Variants in PGAP1 observed in about 807,000 individuals in gnomAD.
PGAP1 encodes the protein post-GPI attachment to proteins inositol deacylase 1.
A neutral mutation model predicts 127.0 loss-of-function variants in PGAP1; 76 were observed. The ratio of observed to expected loss-of-function variants is 0.60; its 90% CI spans 0.50 to 0.72. PGAP1 has a LOEUF of 0.72. Among genes scored for constraint, PGAP1 ranks in the 30% least tolerant of loss-of-function variants. The pLI, the probability that PGAP1 is intolerant of heterozygous loss-of-function variation, is 0.00. For missense variants in PGAP1, 982 were observed against 1,071.3 expected, an observed-to-expected ratio of 0.92 and a Z score of 1.16; for synonymous variants, 362 against 366.5, an observed-to-expected ratio of 0.99 and a Z score of 0.14.
intron 19 of PGAP1, among the ~76,000 whole-genome samples, chr2:196,865,389 T>C (rs1701208211): frequency 6.6e-6 from 1 of 152,172 alleles, no homozygotes; most frequent in South Asian, 2.1e-4. Context: ...ACACCTTATA[T>C]GCATTATCTC....
At chr2:196,905,820 G>C (rs28493782) in intron 4 of PGAP1, among the ~76,000 whole-genome samples, 1,740 of 132,340 alleles carry the variant, frequency 0.013, 37 homozygotes, top group East Asian at 0.12. Flanking sequence ...TTCCCTTTCC[G>C]AGTCAAAGAA....
chr2:196,925,278 A>G (rs1402683411), intron 1 of PGAP1, among the ~76,000 whole-genome samples: 1 of 152,214 alleles, frequency 6.6e-6, no homozygotes, highest in African/African-American at 2.4e-5. Flanking sequence ...TAAGATCAAA[A>G]TAATAGCAGC....
chr2:196,855,145 A>G (rs895054265), intron 20 of PGAP1, among the ~76,000 whole-genome samples: 1 of 151,604 alleles, frequency 6.6e-6, no homozygotes, highest in Non-Finnish European at 1.5e-5. Flanking sequence ...CAACATGATG[A>G]AACCCCTGTC....
At chr2:196,912,833 T>C (rs1702875936) in intron 4 of PGAP1, 49 bp downstream of exon 4, 2 of 1,476,962 alleles carry the variant, frequency 1.4e-6, no homozygotes, top group Non-Finnish European at 1.8e-6. Context: ...TTGATTTATT[T>C]AATCTTAAAT....
intron 20 of PGAP1, among the ~76,000 whole-genome samples, chr2:196,857,871 ATTGTAATCCTT>A (rs150049564): frequency 0.01 from 1,534 of 152,246 alleles, 21 homozygotes; most frequent in African/African-American, 0.035. Flanking sequence ...TTTCAAAACA[ATTGTAATCCTT>A]TTTATTTTTC....
chr2:196,868,456 T>C (rs762284281), intron 19 of PGAP1, among the ~76,000 whole-genome samples: 38 of 152,344 alleles, frequency 2.5e-4, no homozygotes, highest in Non-Finnish European at 5.0e-4. Flanking sequence ...CCCTGTCTCA[T>C]AGTCAAACTG....
At chr2:196,844,252 T>C (rs1358469051) in intron 24 of PGAP1, among the ~76,000 whole-genome samples, 177 bp from the exon 25 acceptor site, 1 of 152,172 alleles carries the variant, frequency 6.6e-6, no homozygotes, top group African/African-American at 2.4e-5. Context: ...ACCTTTATTC[T>C]TTTGACTTGC....
At chr2:196,874,507 G>T (rs902995876) in intron 14 of PGAP1, among the ~76,000 whole-genome samples, 1 of 152,044 alleles carries the variant, frequency 6.6e-6, no homozygotes, top group Non-Finnish European at 1.5e-5. Context: ...TATTCTCAAA[G>T]TATGTCACCC....
At position 196,847,193 on chromosome 2, in the gene PGAP1, A is replaced by G; in HGVS notation, c.1960T>C (p.Trp654Arg). The part of the protein sequence containing the change: ...IIIKFLLGYK[W>R]FKELWDVLLL... ...AATACATCCCACAATTCTTTAAACC[A>G]TTTATACCTGTGGAGAAAAGAAAAT... is the stretch of plus-strand genomic sequence containing the variant. The change falls in exon 22 of 27, where the codon TGG becomes CGG. Residue 654 changes from tryptophan to arginine, a missense_variant. Coordinates refer to ENST00000354764, the MANE Select transcript of PGAP1 (RefSeq NM_024989.4). 6.2e-7 allele frequency: 1 copy of G among 1,606,032 alleles called. No individual in the cohort carries two copies. Among genetic ancestry groups the G allele is most frequent in the South Asian group, 1.1e-5 (1 of 89,254 alleles).
intron 2 of PGAP1, among the ~76,000 whole-genome samples, chr2:196,918,247 G>A (rs1168134813): frequency 6.6e-6 from 1 of 152,072 alleles, no homozygotes; most frequent in Non-Finnish European, 1.5e-5. Context: ...GCAAAGGAAG[G>A]TAAAATATAC....
At chr2:196,919,880 G>T in intron 2 of PGAP1, 117 bp downstream of exon 2, 1 of 1,012,562 alleles carries the variant, frequency 9.9e-7, no homozygotes, top group Non-Finnish European at 1.4e-6. Context: ...GCCCAGCACA[G>T]CACTTCACAC....
intron 2 of PGAP1, among the ~76,000 whole-genome samples, chr2:196,917,827 T>A (rs1703065860): frequency 6.6e-6 from 1 of 152,152 alleles, no homozygotes; most frequent in Admixed American, 6.5e-5. Context: ...TGGGTATATG[T>A]TTATTTTTCT....
At chr2:196,896,895 G>A (rs911550058) in intron 7 of PGAP1, among the ~76,000 whole-genome samples, 1 of 150,964 alleles carries the variant, frequency 6.6e-6, no homozygotes, top group African/African-American at 2.4e-5. Flanking sequence ...AGAACTGGGG[G>A]AAGATTTAAG....
intron 5 of PGAP1, 28 bp from the exon 6 acceptor site, chr2:196,898,397 C>G (rs113115196): frequency 1.3e-6 from 2 of 1,527,726 alleles, no homozygotes; most frequent in Non-Finnish European, 9.0e-7. Context: ...AATAAACTTA[C>G]GAAAAGCACA....
At chr2:196,849,509 C>T (rs553635105) in intron 20 of PGAP1, among the ~76,000 whole-genome samples, 12 of 151,540 alleles carry the variant, frequency 7.9e-5, no homozygotes, top group Admixed American at 4.6e-4. Context: ...CTCCCGACCT[C>T]GTGATCCACC....
chr2:196,875,310 A>G (rs1701529890), intron 14 of PGAP1, among the ~76,000 whole-genome samples: 1 of 152,232 alleles, frequency 6.6e-6, no homozygotes, highest in Non-Finnish European at 1.5e-5. Context: ...TTTATGTAGA[A>G]GGTCAACCTT....
In PGAP1 at chr2:196,865,004, T is replaced by A; in HGVS notation, c.1844A>T (p.Tyr615Phe). 1 of 1,548,378 alleles carries A rather than the reference T, an allele frequency of 6.5e-7. No individual in the cohort carries two copies. The highest frequency in any genetic ancestry group is 1.4e-5 in the African/African-American group (1 of 71,482). The change falls in exon 20 of 27, where the codon TAT becomes TTT. Residue 615 changes from tyrosine to phenylalanine, a missense_variant. Coordinates refer to ENST00000354764, the MANE Select transcript of PGAP1 (RefSeq NM_024989.4). ...NILLAYRGQL[Y>F]SLFSTGCCLE... is the part of the protein sequence containing the mutation. ...ATTCTTACCTGTTGAGAAAAGAGAATATAACTGTCCTCTATAAGCAAGAAG... is the reference window on the plus strand; with the variant it reads ...ATTCTTACCTGTTGAGAAAAGAGAAAATAACTGTCCTCTATAAGCAAGAAG...
chr2:196,842,048 T>C (rs1262814656), intron 26 of PGAP1, among the ~76,000 whole-genome samples: 1 of 127,468 alleles, frequency 7.8e-6, no homozygotes, highest in Non-Finnish European at 1.7e-5. Context: ...ACCCTACTTA[T>C]AAAAAAAAAA....
At position 196,919,242 on chromosome 2, in the gene PGAP1, T is replaced by A. The variant is rs144596134; in HGVS notation, c.301+755A>T. ...TGTCTTCCTGATAAGCATATAAATT[T>A]GATGAGAGAGGGACTTTGTCTTGAT... On this transcript the variant is annotated intron_variant, in intron 2 of 26. Coordinates refer to ENST00000354764, the MANE Select transcript of PGAP1 (RefSeq NM_024989.4). Among the ~76,000 whole-genome samples the A allele has an allele frequency of 4.8e-4, 73 of 152,292 alleles. 2 individuals are homozygous for A. The South Asian group carries it at 0.014, about 30-fold the overall frequency.
Sources: allele counts gnomAD v4.1 joint callset (sites outside exome capture counted in the v4.1 genomes callset), GRCh38; gene constraint gnomAD v4.1.1; transcripts MANE v1.5; gene names NCBI Gene and HGNC (gene_info 2026-07-23, HGNC 2026-07-21).